PHKB: variants seen among roughly 807,000 people sequenced by gnomAD.
PHKB encodes the protein phosphorylase b kinase regulatory subunit beta.
A neutral mutation model predicts 152.1 loss-of-function variants in PHKB; 122 were observed. The observed-to-expected ratio is 0.80, with a 90% CI of 0.69 to 0.93. The LOEUF (loss-of-function observed/expected upper bound fraction) is 0.93, where lower values mean the gene tolerates loss of function less well. PHKB is among the 40% of genes least tolerant of loss of function. The probability of loss-of-function intolerance (pLI) is 0.00; values close to 1 mark genes in which losing one functional copy is unlikely to be tolerated. For missense variants in PHKB, 1,304 were observed against 1,328.4 expected (o/e 0.98, Z 0.29); for synonymous variants, 436 against 464.9 (o/e 0.94, Z 0.80).
intron 10 of PHKB, among the ~76,000 whole-genome samples, chr16:47,591,975 A>G (rs1392167694): frequency 6.6e-6 from 1 of 152,150 alleles, no homozygotes; most frequent in Admixed American, 6.5e-5. Flanking sequence ...GAGACATTTG[A>G]CAATGTCTGC....
chr16:47,488,897 T>C (rs1314064265), intron 1 of PHKB, among the ~76,000 whole-genome samples: 1 of 152,212 alleles, frequency 6.6e-6, no homozygotes, highest in Non-Finnish European at 1.5e-5. Context: ...TCCAGCTTTG[T>C]TCTTTTCTTA....
intron 1 of PHKB, among the ~76,000 whole-genome samples, chr16:47,491,373 T>C (rs1970147967): frequency 1.3e-5 from 2 of 152,188 alleles, no homozygotes; most frequent in Admixed American, 6.5e-5. Context: ...CTTAAAACAT[T>C]TAGTGAGCCT....
chr16:47,660,011 A>C (rs893181592), intron 20 of PHKB, among the ~76,000 whole-genome samples: 1 of 152,026 alleles, frequency 6.6e-6, no homozygotes, highest in African/African-American at 2.4e-5. Context: ...CTACAGGCAC[A>C]TGCCACCACG....
At chr16:47,547,909 C>CAGTTTT (rs1971202215) in intron 7 of PHKB, 1 of 312,166 alleles carries the variant, frequency 3.2e-6, no homozygotes, top group South Asian at 2.8e-5. Context: ...TTTCAAACAC[C>CAGTTTT]AGTTGTATAT....
chr16:47,645,315 T>C (rs1360346471), intron 16 of PHKB, among the ~76,000 whole-genome samples: 4 of 133,588 alleles, frequency 3.0e-5, no homozygotes, highest in Admixed American at 8.0e-5. Flanking sequence ...TGGTAATGCC[T>C]AGGTTTTCTT....
At chr16:47,592,153 A>G (rs1448185116) in intron 10 of PHKB, among the ~76,000 whole-genome samples, 2 of 152,188 alleles carry the variant, frequency 1.3e-5, no homozygotes, top group Non-Finnish European at 2.9e-5. Flanking sequence ...TTAGGTTGTC[A>G]TCTTTTCTCT....
rs146494571 is a variant in PHKB, at chr16:47,631,669, C to T, written c.1459-9366C>T. On this transcript the variant is annotated intron_variant, in intron 14 of 30. Coordinates refer to ENST00000323584, the MANE Select transcript of PHKB (RefSeq NM_000293.3). ...ACAGGCCCCAGTGTGTGATGTTCCC[C>T]TCTCTGTGTCCATTTGTTCTCATTG... Among the ~76,000 whole-genome samples, 420 of 152,246 alleles carry T rather than the reference C, an allele frequency of 2.8e-3. 14 individuals carry two copies. In the East Asian group the frequency reaches 0.044, roughly 16 times the overall value.
chr16:47,485,175 G>A (rs1279655470), intron 1 of PHKB, among the ~76,000 whole-genome samples: 2 of 152,040 alleles, frequency 1.3e-5, no homozygotes, highest in African/African-American at 4.8e-5. Flanking sequence ...ATTGAATGAA[G>A]GTGTCATAAT....
intron 4 of PHKB, among the ~76,000 whole-genome samples, chr16:47,510,199 C>T (rs1970486838): frequency 6.6e-6 from 1 of 152,162 alleles, no homozygotes; most frequent in African/African-American, 2.4e-5. Context: ...GCCCTCCAGA[C>T]ATCATCATCT....
intron 16 of PHKB, 129 bp from the exon 17 acceptor site, chr16:47,648,404 A>G (rs1973172824): frequency 2.7e-6 from 2 of 739,426 alleles, no homozygotes; most frequent in Non-Finnish European, 5.0e-6. Flanking sequence ...TCTTCCTACA[A>G]GTTTTTGGAT....
At chr16:47,688,894 A>G in intron 26 of PHKB, 147 bp from the exon 27 acceptor site, 1 of 821,478 alleles carries the variant, frequency 1.2e-6, no homozygotes, top group Non-Finnish European at 2.1e-6. Flanking sequence ...TGATGGAAGT[A>G]ATTGTATCAA....
intron 7 of PHKB, among the ~76,000 whole-genome samples, chr16:47,574,914 T>C (rs750343524): frequency 2.0e-5 from 3 of 152,224 alleles, no homozygotes; most frequent in Non-Finnish European, 4.4e-5. Context: ...CTATATTCTT[T>C]TTATTTCCTT....
chr16:47,589,217 G>T, intron 10 of PHKB, 115 bp downstream of exon 10: 1 of 700,762 alleles, frequency 1.4e-6, no homozygotes, highest in Non-Finnish European at 2.4e-6. Flanking sequence ...ATGTGGCCCT[G>T]GGCCAGTTAA....
At position 47,487,290 on chromosome 16, in the gene PHKB, C is replaced by T. The variant is rs563554878; in HGVS notation, c.77-10109C>T. ...GACATTAATGCAACTATCCATAAAG[C>T]TCTATTATCTAAGCTATTTGTAAAC... On this transcript the variant is annotated intron_variant, in intron 1 of 30. Transcript: ENST00000323584. Among the ~76,000 whole-genome samples, 130 of 152,236 alleles carry T rather than the reference C, an allele frequency of 8.5e-4. 1 individual carries two copies. The highest frequency in any genetic ancestry group is 3.0e-3 in the African/African-American group (124 of 41,550).
chr16:47,689,160 C>A lies in PHKB; in HGVS notation c.2750C>A (p.Pro917His). Reference sequence around the variant, plus strand: ...CAGCTTCTGCTGGATATTCTGCAGCCTCAACAGAATGGAAGGTAATAAGGG... The same window carrying A: ...CAGCTTCTGCTGGATATTCTGCAGCATCAACAGAATGGAAGGTAATAAGGG... ...VKQLLLDILQ[P>H]QQNGRCWLNR... Residue 917 changes from proline (P) to histidine (H), a missense_variant, in exon 27 of 31, where the codon CCT (proline) becomes CAT (histidine). By Grantham distance (77) the Pro-to-His change is moderately conservative. Transcript: ENST00000323584. 6.2e-7 allele frequency: 1 copy of A among 1,613,822 alleles called. No individual in the cohort carries two copies. The highest frequency in any genetic ancestry group is 8.5e-7 in the Non-Finnish European group (1 of 1,179,808).
At chr16:47,686,163 A>G (rs1973961891) in intron 26 of PHKB, among the ~76,000 whole-genome samples, 1 of 152,192 alleles carries the variant, frequency 6.6e-6, no homozygotes, top group Admixed American at 6.5e-5. Context: ...AACTGCTGAG[A>G]TTTTGTAAAT....
chr16:47,576,753 TTATC>T (rs1971756419), intron 7 of PHKB, among the ~76,000 whole-genome samples: 1 of 152,210 alleles, frequency 6.6e-6, no homozygotes. Context: ...AAAGTCTCCT[TTATC>T]TATTATTAAT....
chr16:47,607,883 G>A (rs1335594648), intron 13 of PHKB, among the ~76,000 whole-genome samples: 1 of 152,008 alleles, frequency 6.6e-6, no homozygotes, highest in Non-Finnish European at 1.5e-5. Context: ...CCTTCCTAAT[G>A]GATATGAAGT....
At chr16:47,665,641 C>A (rs760211213) in intron 25 of PHKB, 2 of 444,102 alleles carry the variant, frequency 4.5e-6, no homozygotes, top group Non-Finnish European at 8.3e-6. Context: ...CACCCTCCCT[C>A]CCTAATCAAA....
Sources: allele counts gnomAD v4.1 joint callset (sites outside exome capture counted in the v4.1 genomes callset), GRCh38; gene constraint gnomAD v4.1.1; transcripts MANE v1.5; gene names NCBI Gene and HGNC (gene_info 2026-07-23, HGNC 2026-07-21).